The following EYS variants were observed in gnomAD, a reference collection of about 807,000 sequenced individuals.
EYS encodes protein eyes shut homolog.
Under a neutral mutation model 282.1 loss-of-function variants are expected in EYS, and 250 were observed. The ratio of observed to expected loss-of-function variants is 0.89; its 90% CI spans 0.80 to 0.98. The LOEUF is 0.98. EYS is among the 50% of genes least tolerant of loss of function. The pLI, the probability that EYS is intolerant of heterozygous loss-of-function variation, is 0.00. For missense variants in EYS, 4,016 were observed against 3,709.0 expected, an observed-to-expected ratio of 1.08 and a Z score of -2.15; for synonymous variants, 1,355 against 1,282.9, an observed-to-expected ratio of 1.06 and a Z score of -1.20.
chr6:63,915,663 A>G (rs535292666), intron 35 of EYS, among the ~76,000 whole-genome samples: 3 of 152,328 alleles, frequency 2.0e-5, no homozygotes, highest in East Asian at 1.9e-4. Context: ...AAGAATACCT[A>G]TGATTCATGG....
In EYS at chr6:65,271,391, A is replaced by C. The variant is rs192752370; in HGVS notation, c.2023+24472T>G. Among the ~76,000 whole-genome samples, 8 of 151,558 alleles carry C rather than the reference A, an allele frequency of 5.3e-5. No individual in the cohort carries two copies. The East Asian group carries it at 1.6e-3, about 30-fold the overall frequency. On this transcript the variant is annotated intron_variant, in intron 12 of 42. Coordinates refer to ENST00000503581, the MANE Select transcript of EYS (RefSeq NM_001142800.2). ...AAGAGGGCAAATTCAACTTTCCTCC[A>C]ACTTTTTATTCTATTCAAGCTCTCA...
At chr6:64,851,662 G>A (rs1214540797) in intron 19 of EYS, among the ~76,000 whole-genome samples, 1 of 152,106 alleles carries the variant, frequency 6.6e-6, no homozygotes, top group African/African-American at 2.4e-5. Flanking sequence ...ATGGATAGAA[G>A]TGGAGGTCAT....
intron 9 of EYS, among the ~76,000 whole-genome samples, chr6:65,350,508 T>G (rs1183654170): frequency 6.6e-6 from 1 of 151,670 alleles, no homozygotes; most frequent in East Asian, 1.9e-4. Context: ...GTTAAGTGTT[T>G]TAACTCTATG....
intron 12 of EYS, among the ~76,000 whole-genome samples, chr6:65,202,703 T>G (rs1052623706): frequency 6.6e-6 from 1 of 152,188 alleles, no homozygotes; most frequent in Non-Finnish European, 1.5e-5. Context: ...TGGTTTCTGC[T>G]GCAGGAAATC....
At chr6:65,037,552 T>C (rs1023768368) in intron 13 of EYS, among the ~76,000 whole-genome samples, 1 of 151,846 alleles carries the variant, frequency 6.6e-6, no homozygotes, top group Admixed American at 6.6e-5. Flanking sequence ...ATTTTCTTAG[T>C]GTTTTTTCTT....
chr6:65,415,835 T>C (rs1276727223), intron 5 of EYS, among the ~76,000 whole-genome samples: 1 of 151,996 alleles, frequency 6.6e-6, no homozygotes, highest in African/African-American at 2.4e-5. Context: ...AATGCACACA[T>C]TAGAAAAACC....
rs1481717903 is a variant in EYS at position 63,851,045 on chromosome 6, C to G, written c.7228+13141G>C. ...CAATCCTAGTCTCTGATAAAACAGA[C>G]TTTAAACCAACAAAGATCAAGAGAG... On this transcript the variant is annotated intron_variant, in intron 36 of 42. Transcript: ENST00000503581. Among the ~76,000 whole-genome samples the G allele has an allele frequency of 2.0e-5, 3 of 152,198 alleles. No individual in the cohort carries two copies. In the South Asian group the frequency reaches 6.2e-4, roughly 31 times the overall value.
chr6:64,647,795 G>A (rs529821589), intron 22 of EYS, among the ~76,000 whole-genome samples: 4 of 151,942 alleles, frequency 2.6e-5, no homozygotes, highest in South Asian at 2.1e-4. Flanking sequence ...TTCTTTATTG[G>A]CAAAATTGTT....
chr6:64,540,683 C>T (rs57720247), intron 26 of EYS, among the ~76,000 whole-genome samples: 4,210 of 152,032 alleles, frequency 0.028, 182 homozygotes, highest in African/African-American at 0.095. Flanking sequence ...GGGGTTTTGC[C>T]ATGTTGGCCA....
intron 22 of EYS, among the ~76,000 whole-genome samples, chr6:64,803,381 G>A (rs563129277): frequency 6.6e-6 from 1 of 151,592 alleles, no homozygotes; most frequent in South Asian, 2.1e-4. Context: ...GTGTGTGTGT[G>A]GGGGGGTTGG....
At chr6:65,662,141 C>A (rs1325053995) in intron 1 of EYS, among the ~76,000 whole-genome samples, 1 of 151,828 alleles carries the variant, frequency 6.6e-6, no homozygotes, top group Non-Finnish European at 1.5e-5. Flanking sequence ...AAAAAAAAGG[C>A]AAAAGTAAAT....
rs191312660 is a variant in EYS, at chr6:65,146,340, C to A, written c.2024-88613G>T. ...AAAAATAATAATGATCCATTGAATACTAATTCTCTTACACTTAGAAAGAAT... is the reference window on the plus strand; with the variant it reads ...AAAAATAATAATGATCCATTGAATAATAATTCTCTTACACTTAGAAAGAAT... On this transcript the variant is annotated intron_variant, in intron 12 of 42. Transcript: ENST00000503581. 8.3e-4 allele frequency among the ~76,000 whole-genome samples: 126 copies of A among 151,918 alleles called. 2 individuals are homozygous for A. Among genetic ancestry groups the A allele is most frequent in the African/African-American group, 2.8e-3 (116 of 41,506 alleles).
At chr6:65,257,968 A>G (rs930152644) in intron 12 of EYS, among the ~76,000 whole-genome samples, 1 of 152,018 alleles carries the variant, frequency 6.6e-6, no homozygotes, top group Non-Finnish European at 1.5e-5. Context: ...AAATTATTGT[A>G]CATTTTATAA....
chr6:64,005,214 A>G (rs1438019895), intron 33 of EYS, among the ~76,000 whole-genome samples: 1 of 152,172 alleles, frequency 6.6e-6, no homozygotes, highest in Non-Finnish European at 1.5e-5. Context: ...TATAATAATT[A>G]GTGATGTTGA....
chr6:65,380,700 G>C lies in EYS; in HGVS notation c.1299+3686C>G, dbSNP rs559350139. ...TGAACAGGCAACCTACAGAATGGGA[G>C]AAAAATTTTGCAAACTATCCATCTG... On this transcript the variant is annotated intron_variant, in intron 8 of 42. Transcript: ENST00000503581. 3.5e-3 allele frequency among the ~76,000 whole-genome samples: 529 copies of C among 152,118 alleles called. 1 individual carries two copies. Among genetic ancestry groups the C allele is most frequent in the Non-Finnish European group, 4.1e-3 (280 of 68,000 alleles).
At chr6:64,671,298 G>A (rs934028623) in intron 22 of EYS, among the ~76,000 whole-genome samples, 4 of 152,074 alleles carry the variant, frequency 2.6e-5, no homozygotes, top group Non-Finnish European at 5.9e-5. Flanking sequence ...GAGCCCTCAT[G>A]AATGAAACAG....
chr6:64,036,051 T>C (rs991278053), intron 33 of EYS, among the ~76,000 whole-genome samples: 1 of 152,366 alleles, frequency 6.6e-6, no homozygotes, highest in South Asian at 2.1e-4. Flanking sequence ...TTGTTCTTTC[T>C]GTAATAACCA....
At chr6:64,347,972 C>A (rs986640422) in intron 29 of EYS, among the ~76,000 whole-genome samples, 2 of 151,288 alleles carry the variant, frequency 1.3e-5, no homozygotes, top group Admixed American at 6.6e-5. Flanking sequence ...GATAAAGATA[C>A]ACATTTTTGT....
chr6:64,698,058 A>G (rs1320398863), intron 22 of EYS, among the ~76,000 whole-genome samples: 4 of 152,192 alleles, frequency 2.6e-5, no homozygotes, highest in Non-Finnish European at 5.9e-5. Context: ...CTATAAAAAT[A>G]CATGGAAATT....
Sources: gnomAD v4.1 joint callset for allele counts (sites outside exome capture counted in the v4.1 genomes callset) on GRCh38, gnomAD v4.1.1 for gene constraint, MANE v1.5 for transcripts, NCBI Gene and HGNC (gene_info 2026-07-23, HGNC 2026-07-21) for gene names.